Variants in ARMH3 observed in about 807,000 individuals in gnomAD.
ARMH3 encodes armadillo like helical domain containing 3.
In ARMH3, 60 loss-of-function variants were observed where a neutral mutation model predicts 99.1. The ratio of observed to expected loss-of-function variants is 0.61; its 90% confidence interval spans 0.49 to 0.75. The LOEUF is 0.75. Among genes scored for constraint, ARMH3 ranks in the 30% least tolerant of loss-of-function variants. The probability of loss-of-function intolerance (pLI) is 0.00; values close to 1 mark genes in which losing one functional copy is unlikely to be tolerated. For missense variants in ARMH3, 679 were observed against 843.1 expected (o/e 0.81, Z 2.41); for synonymous variants, 285 against 292.8 (o/e 0.97, Z 0.27).
At chr10:101,914,761 G>A (rs61873601) in intron 23 of ARMH3, among the ~76,000 whole-genome samples, 7,439 of 150,512 alleles carry the variant, frequency 0.049, 197 homozygotes, top group Middle Eastern at 0.095. Flanking sequence ...AGCTACTTGG[G>A]AGGCTGAGGC....
chr10:101,912,370 C>G (rs533575209), intron 23 of ARMH3, among the ~76,000 whole-genome samples: 4 of 120,836 alleles, frequency 3.3e-5, no homozygotes, highest in East Asian at 2.6e-4. Context: ...TCCAGCCTGG[C>G]GACAGAGTGA....
At chr10:101,893,448 T>C (rs2135461380) in intron 23 of ARMH3, among the ~76,000 whole-genome samples, 1 of 152,200 alleles carries the variant, frequency 6.6e-6, no homozygotes, top group South Asian at 2.1e-4. Flanking sequence ...TTTTTATTAT[T>C]ATTATTATTT....
intron 23 of ARMH3, among the ~76,000 whole-genome samples, chr10:101,912,211 G>A (rs1385233684): frequency 6.6e-6 from 1 of 151,930 alleles, no homozygotes; most frequent in East Asian, 1.9e-4. Flanking sequence ...TGGCCAATAT[G>A]GTGAAACCCC....
chr10:101,908,909 C>G (rs892575175), intron 23 of ARMH3, among the ~76,000 whole-genome samples: 2 of 151,784 alleles, frequency 1.3e-5, no homozygotes, highest in Non-Finnish European at 2.9e-5. Flanking sequence ...GCGATCCACC[C>G]GCCTCAGCCT....
intron 20 of ARMH3, among the ~76,000 whole-genome samples, chr10:101,967,264 A>G (rs980358048): frequency 6.6e-6 from 1 of 152,196 alleles, no homozygotes; most frequent in African/African-American, 2.4e-5. Context: ...TGAAAATAGC[A>G]CTAGTGTAAC....
chr10:101,936,114 C>T (rs1405144426), intron 23 of ARMH3, among the ~76,000 whole-genome samples: 1 of 152,174 alleles, frequency 6.6e-6, no homozygotes, highest in East Asian at 1.9e-4. Context: ...ACTCCCTGGA[C>T]TGCCCTCATT....
chr10:101,992,708 G>C (rs562875100), intron 17 of ARMH3, among the ~76,000 whole-genome samples: 2 of 151,760 alleles, frequency 1.3e-5, no homozygotes, highest in African/African-American at 4.8e-5. Flanking sequence ...TGTTAGCCAG[G>C]GTGGTCTCAA....
intron 24 of ARMH3, among the ~76,000 whole-genome samples, chr10:101,864,392 G>A (rs1364927685): frequency 1.3e-5 from 2 of 152,034 alleles, no homozygotes; most frequent in African/African-American, 4.8e-5. Context: ...CCCATTACTG[G>A]GTATATACCC....
At chr10:102,039,321 T>C (rs1372292275) in intron 2 of ARMH3, among the ~76,000 whole-genome samples, 1 of 152,118 alleles carries the variant, frequency 6.6e-6, no homozygotes, top group Non-Finnish European at 1.5e-5. Flanking sequence ...AGTTTTGTAT[T>C]TTTAGTAGAA....
intron 23 of ARMH3, 168 bp from the exon 24 acceptor site, chr10:101,889,658 T>C (rs772988870): frequency 1.4e-4 from 95 of 663,864 alleles, no homozygotes; most frequent in East Asian, 7.0e-4. Flanking sequence ...TGGGGGTGAA[T>C]TGATAACTCT....
At chr10:101,996,039 AAAG>A (rs766408153) in intron 15 of ARMH3, among the ~76,000 whole-genome samples, 1 of 152,244 alleles carries the variant, frequency 6.6e-6, no homozygotes, top group Non-Finnish European at 1.5e-5. Flanking sequence ...AGTTATTAAA[AAAG>A]AAGAAGACAA....
chr10:101,892,533 T>C (rs933393336), intron 23 of ARMH3, among the ~76,000 whole-genome samples: 1 of 152,126 alleles, frequency 6.6e-6, no homozygotes, highest in Non-Finnish European at 1.5e-5. Context: ...GCATAACAAA[T>C]CACTATTTTA....
chr10:101,985,076 T>TACACACACACACAC (rs796894243), intron 19 of ARMH3, among the ~76,000 whole-genome samples: 1 of 129,126 alleles, frequency 7.7e-6, no homozygotes, highest in African/African-American at 3.0e-5. Flanking sequence ...TAAAAATATA[T>TACACACACACACAC]ATACACACAC....
chr10:101,902,137 C>A (rs914095580), intron 23 of ARMH3, among the ~76,000 whole-genome samples: 1 of 152,142 alleles, frequency 6.6e-6, no homozygotes, highest in African/African-American at 2.4e-5. Flanking sequence ...ACTTGAAGCA[C>A]CTTTTGGCCC....
intron 24 of ARMH3, among the ~76,000 whole-genome samples, chr10:101,870,844 T>A (rs2067115073): frequency 6.6e-6 from 1 of 151,942 alleles, no homozygotes; most frequent in African/African-American, 2.4e-5. Flanking sequence ...GAGGCTGAAG[T>A]GGGAGGATCA....
chr10:101,992,465 TAAAG>T (rs947085911), intron 17 of ARMH3, among the ~76,000 whole-genome samples: 5 of 151,104 alleles, frequency 3.3e-5, no homozygotes, highest in African/African-American at 7.3e-5. Flanking sequence ...TGCAAAAAAA[TAAAG>T]AAAGTTTTAC....
chr10:102,002,094 G>A, intron 14 of ARMH3, 22 bp from the exon 15 acceptor site: 2 of 1,612,282 alleles, frequency 1.2e-6, no homozygotes, highest in Non-Finnish European at 1.7e-6. Flanking sequence ...CAGATAAAAT[G>A]CACTTAGCCT....
intron 15 of ARMH3, among the ~76,000 whole-genome samples, chr10:102,000,285 T>C (rs1452235819): frequency 6.6e-6 from 1 of 151,978 alleles, no homozygotes; most frequent in Non-Finnish European, 1.5e-5. Flanking sequence ...AGTGTCACCA[T>C]GAAATCAAAG....
chr10:102,055,471 G>A (rs2067822410), intron 1 of ARMH3, among the ~76,000 whole-genome samples: 3 of 152,120 alleles, frequency 2.0e-5, no homozygotes, highest in Non-Finnish European at 4.4e-5. Context: ...AGGGGACCAG[G>A]TTTCTCTCTA....
Sources: gnomAD v4.1 joint callset for allele counts (sites outside exome capture counted in the v4.1 genomes callset) on GRCh38, gnomAD v4.1.1 for gene constraint, MANE v1.5 for transcripts, NCBI Gene and HGNC (gene_info 2026-07-23, HGNC 2026-07-21) for gene names.